The following SLC2A13 variants were observed in gnomAD, a reference collection of about 807,000 sequenced individuals.
SLC2A13 encodes the protein proton myo-inositol cotransporter.
Under a neutral mutation model 64.4 loss-of-function variants are expected in SLC2A13, and 32 were observed. That is an observed-to-expected ratio of 0.50 (90% CI 0.37 to 0.67). SLC2A13 has a LOEUF of 0.67. SLC2A13 is among the 30% of genes least tolerant of loss of function. SLC2A13 has a pLI of 0.00. For missense variants in SLC2A13, 743 were observed against 829.2 expected (o/e 0.90, Z 1.28); for synonymous variants, 338 against 327.1 (o/e 1.03, Z -0.36).
At chr12:39,839,567 A>C (rs1345740610) in intron 6 of SLC2A13, among the ~76,000 whole-genome samples, 1 of 151,868 alleles carries the variant, frequency 6.6e-6, no homozygotes, top group African/African-American at 2.4e-5. Flanking sequence ...ATTTTCTAAA[A>C]ATTTTCCCTC....
intron 6 of SLC2A13, among the ~76,000 whole-genome samples, chr12:39,862,279 G>T (rs1943783904): frequency 6.6e-6 from 1 of 152,148 alleles, no homozygotes; most frequent in Non-Finnish European, 1.5e-5. Context: ...CAATATTTTT[G>T]GCCTGGTATG....
intron 1 of SLC2A13, among the ~76,000 whole-genome samples, chr12:40,094,085 A>C (rs1203584599): frequency 2.0e-5 from 3 of 152,190 alleles, no homozygotes; most frequent in African/African-American, 7.2e-5. Flanking sequence ...AACAGATTTC[A>C]GTTATAATTA....
intron 1 of SLC2A13, among the ~76,000 whole-genome samples, chr12:40,074,224 G>A (rs373611936): frequency 5.3e-5 from 8 of 151,062 alleles, no homozygotes; most frequent in African/African-American, 2.0e-4. Context: ...AGAGGACATG[G>A]GTGTGATCAC....
intron 7 of SLC2A13, among the ~76,000 whole-genome samples, chr12:39,796,805 G>C (rs1941591260): frequency 6.6e-6 from 1 of 152,142 alleles, no homozygotes; most frequent in Non-Finnish European, 1.5e-5. Context: ...TCTCCTGCTA[G>C]ATGGTTTTGT....
intron 3 of SLC2A13, among the ~76,000 whole-genome samples, chr12:40,024,703 T>G (rs1337832137): frequency 6.6e-6 from 1 of 152,162 alleles, no homozygotes; most frequent in Non-Finnish European, 1.5e-5. Context: ...TACTGCCACA[T>G]CCCCACCTCT....
At chr12:39,978,631 G>A (rs12813547) in intron 3 of SLC2A13, among the ~76,000 whole-genome samples, 15,623 of 152,084 alleles carry the variant, frequency 0.1, 830 homozygotes, top group Non-Finnish European at 0.12. Context: ...AAAAAACGGC[G>A]CACCACGCGA....
intron 3 of SLC2A13, among the ~76,000 whole-genome samples, chr12:39,991,055 C>T (rs1947130086): frequency 6.6e-6 from 1 of 152,190 alleles, no homozygotes; most frequent in Non-Finnish European, 1.5e-5. Flanking sequence ...TACTGGTCCA[C>T]AGAGAAGTTT....
At chr12:39,958,658 C>G (rs1946358746) in intron 3 of SLC2A13, among the ~76,000 whole-genome samples, 1 of 152,170 alleles carries the variant, frequency 6.6e-6, no homozygotes, top group Non-Finnish European at 1.5e-5. Flanking sequence ...AGGGGACACT[C>G]CTGCCCCAGC....
intron 9 of SLC2A13, 129 bp from the exon 10 acceptor site, chr12:39,760,381 A>C (rs949303470): frequency 1.3e-5 from 9 of 696,258 alleles, no homozygotes; most frequent in Admixed American, 1.2e-4. Context: ...TGGACCAAAA[A>C]ATTACTATGA....
At chr12:40,011,181 C>T (rs1436933102) in intron 3 of SLC2A13, among the ~76,000 whole-genome samples, 6 of 152,100 alleles carry the variant, frequency 3.9e-5, no homozygotes, top group Non-Finnish European at 8.8e-5. Context: ...ATCAACATCA[C>T]CTGTGTTGAG....
At chr12:39,971,997 A>ATATATAT (rs1555144633) in intron 3 of SLC2A13, among the ~76,000 whole-genome samples, 2 of 77,380 alleles carry the variant, frequency 2.6e-5, no homozygotes, top group Admixed American at 1.8e-4. Context: ...AAAAAAAAAA[A>ATATATAT]ATATATATAT....
chr12:40,011,131 C>A (rs911741803), intron 3 of SLC2A13, among the ~76,000 whole-genome samples: 2 of 152,140 alleles, frequency 1.3e-5, no homozygotes, highest in Non-Finnish European at 2.9e-5. Context: ...CGCCCGGTAC[C>A]AAGAGTTGGA....
chr12:39,909,141 A>G (rs1250874601), intron 4 of SLC2A13, among the ~76,000 whole-genome samples: 1 of 152,072 alleles, frequency 6.6e-6, no homozygotes, highest in East Asian at 1.9e-4. Flanking sequence ...AAAAATGAAT[A>G]TTTTGCATTC....
chr12:39,839,614 A>C (rs1943126479), intron 6 of SLC2A13, among the ~76,000 whole-genome samples: 1 of 151,980 alleles, frequency 6.6e-6, no homozygotes, highest in South Asian at 2.1e-4. Context: ...GCTGCTTGAC[A>C]CTATTCCCTT....
intron 2 of SLC2A13, among the ~76,000 whole-genome samples, chr12:40,029,383 C>T (rs1039006229): frequency 1.3e-5 from 2 of 152,156 alleles, no homozygotes; most frequent in South Asian, 4.1e-4. Flanking sequence ...CATGCATCTA[C>T]GATACCTGAA....
At chr12:39,898,990 C>A (rs1294737142) in intron 4 of SLC2A13, among the ~76,000 whole-genome samples, 1 of 152,108 alleles carries the variant, frequency 6.6e-6, no homozygotes, top group African/African-American at 2.4e-5. Context: ...ATGATGCTGG[C>A]CTCATAAAAT....
At chr12:40,021,314 A>C (rs1947713409) in intron 3 of SLC2A13, among the ~76,000 whole-genome samples, 1 of 152,196 alleles carries the variant, frequency 6.6e-6, no homozygotes, top group Non-Finnish European at 1.5e-5. Flanking sequence ...AATTCTGCAT[A>C]AGATTTTAAA....
chr12:39,843,659 C>T (rs1392111551), intron 6 of SLC2A13, among the ~76,000 whole-genome samples: 1 of 152,074 alleles, frequency 6.6e-6, no homozygotes, highest in East Asian at 1.9e-4. Context: ...GTGCTCAACT[C>T]TCCAGCTCTA....
Position 40,105,140 on chromosome 12 carries a change from C to A in SLC2A13, c.556+113G>T. Reference sequence around the variant, plus strand: ...CTGGAGGCCAGAGAAGTGGAGGATTCTCTGACCCTGGGAGACCAGACGGGG... The same window carrying A: ...CTGGAGGCCAGAGAAGTGGAGGATTATCTGACCCTGGGAGACCAGACGGGG... On this transcript the variant is annotated intron_variant, in intron 1 of 9. Coordinates refer to ENST00000280871, the MANE Select transcript of SLC2A13 (RefSeq NM_052885.4). This position sits in a 1 kb window ranked among gnomAD's most constrained non-coding sequence, Gnocchi z 4.2. 4.7e-6 allele frequency: 6 copies of A among 1,273,354 alleles called. No individual in the cohort carries two copies. Among genetic ancestry groups the A allele is most frequent in the Middle Eastern group, 3.2e-4 (1 of 3,122 alleles). The allele number at this position is 1,273,354 out of a possible 1,614,324, so 78.9% of individuals were successfully genotyped here. A position where few individuals can be genotyped will look rare whatever the true frequency, so the allele number is the denominator to read the frequency against.
Sources: gnomAD v4.1 joint callset for allele counts (sites outside exome capture counted in the v4.1 genomes callset) on GRCh38, gnomAD v4.1.1 for gene constraint, Gnocchi (gnomAD v3.1) non-coding constraint, MANE v1.5 for transcripts, NCBI Gene and HGNC (gene_info 2026-07-23, HGNC 2026-07-21) for gene names.